WWOX: variants seen among roughly 807,000 people sequenced by gnomAD.
WWOX encodes WW domain containing oxidoreductase.
In WWOX, 69 loss-of-function variants were observed where a neutral mutation model predicts 46.2. The ratio of observed to expected loss-of-function variants is 1.49; its 90% CI spans 1.23 to 1.82. The LOEUF is 1.82. Ranked by LOEUF, WWOX falls within the 40% of genes most tolerant of loss-of-function variation. The pLI, the probability that WWOX is intolerant of heterozygous loss-of-function variation, is 0.00. For missense variants in WWOX, 919 were observed against 542.6 expected (o/e 1.69, Z -6.89); for synonymous variants, 359 against 202.6 (o/e 1.77, Z -6.56).
At chr16:78,632,231 T>C (rs986598291) in intron 8 of WWOX, among the ~76,000 whole-genome samples, 1 of 152,128 alleles carries the variant, frequency 6.6e-6, no homozygotes, top group African/African-American at 2.4e-5. Context: ...ATCTGTACAA[T>C]GGGGTTAATA....
At chr16:78,908,594 G>A (rs1158016812) in intron 8 of WWOX, among the ~76,000 whole-genome samples, 3 of 151,918 alleles carry the variant, frequency 2.0e-5, no homozygotes, top group Non-Finnish European at 4.4e-5. Flanking sequence ...GGAGACCAGA[G>A]TTTTATTATT....
intron 8 of WWOX, among the ~76,000 whole-genome samples, chr16:78,853,687 G>GTA (rs1441063029): frequency 6.6e-6 from 1 of 152,070 alleles, no homozygotes; most frequent in Non-Finnish European, 1.5e-5. Flanking sequence ...AAGTAATGTA[G>GTA]TATGCACTCT....
intron 8 of WWOX, among the ~76,000 whole-genome samples, chr16:79,005,703 C>T (rs11644322): frequency 0.23 from 34,282 of 152,074 alleles, 4,331 homozygotes; most frequent in East Asian, 0.45. Flanking sequence ...GGATTTAGAG[C>T]CCACCCTAAT....
chr16:78,482,001 C>G (rs957945068), intron 8 of WWOX, among the ~76,000 whole-genome samples: 1 of 152,188 alleles, frequency 6.6e-6, no homozygotes. Flanking sequence ...ATAGGTTTTG[C>G]TTTCATACAC....
intron 8 of WWOX, among the ~76,000 whole-genome samples, chr16:78,517,782 C>T (rs2043268021): frequency 6.7e-6 from 1 of 149,048 alleles, no homozygotes. Context: ...AGGTTTATTT[C>T]CTTCTGGATT....
At chr16:78,572,579 G>A (rs1387488701) in intron 8 of WWOX, among the ~76,000 whole-genome samples, 1 of 136,136 alleles carries the variant, frequency 7.3e-6, no homozygotes, top group Non-Finnish European at 1.5e-5. Flanking sequence ...CTCCAGCCTG[G>A]GCTACAGAGT....
At chr16:79,008,058 A>C (rs1429236605) in intron 8 of WWOX, among the ~76,000 whole-genome samples, 1 of 152,192 alleles carries the variant, frequency 6.6e-6, no homozygotes, top group Non-Finnish European at 1.5e-5. Flanking sequence ...TGAGGCTGAA[A>C]TCAAAGCGTC....
At chr16:78,335,989 G>T (rs978013921) in intron 5 of WWOX, among the ~76,000 whole-genome samples, 2 of 152,134 alleles carry the variant, frequency 1.3e-5, no homozygotes, top group Non-Finnish European at 2.9e-5. Context: ...CTATTTGGAA[G>T]GCTGGGGCAG....
intron 7 of WWOX, among the ~76,000 whole-genome samples, chr16:78,432,010 A>G (rs913314149): frequency 1.3e-5 from 2 of 152,150 alleles, no homozygotes; most frequent in African/African-American, 4.8e-5. Context: ...GCCACCAGAC[A>G]TGACCTGTGT....
intron 8 of WWOX, among the ~76,000 whole-genome samples, chr16:78,903,875 C>G (rs776335151): frequency 1.3e-5 from 2 of 152,154 alleles, no homozygotes; most frequent in Non-Finnish European, 2.9e-5. Flanking sequence ...TGGCAGGGGA[C>G]TGTTGTTATT....
At chr16:78,301,524 T>C (rs2080041221) in intron 5 of WWOX, among the ~76,000 whole-genome samples, 1 of 152,210 alleles carries the variant, frequency 6.6e-6, no homozygotes, top group Admixed American at 6.5e-5. Flanking sequence ...GCTGGTTTCC[T>C]TTGGTGAAAC....
In WWOX at chr16:78,475,829, A is replaced by T. The variant is rs2084336943; in HGVS notation, c.1056+43077A>T. On this transcript the variant is annotated intron_variant, in intron 8 of 8. Transcript: ENST00000566780. ...AGGCTGGTCTTGAACTCCTGAATTC[A>T]AATGATCTGCCCACCTCAACCTCCC... Among the ~76,000 whole-genome samples, 4 of 152,178 alleles carry T rather than the reference A, an allele frequency of 2.6e-5. No homozygotes were observed. In the South Asian group the frequency reaches 8.3e-4, roughly 32 times the overall value.
At chr16:78,428,128 A>G (rs4597339) in intron 7 of WWOX, among the ~76,000 whole-genome samples, 67,707 of 152,100 alleles carry the variant, frequency 0.45, 18,204 homozygotes, top group African/African-American at 0.76. Flanking sequence ...AAGATTTGTG[A>G]GGGGCGGGGG....
chr16:78,398,289 A>T (rs553797555), intron 6 of WWOX, among the ~76,000 whole-genome samples: 1 of 152,240 alleles, frequency 6.6e-6, no homozygotes, highest in East Asian at 1.9e-4. Flanking sequence ...ACCTGTGGCC[A>T]TGTCTTCCCC....
At chr16:78,732,109 C>T (rs374368050) in intron 8 of WWOX, among the ~76,000 whole-genome samples, 23 of 152,092 alleles carry the variant, frequency 1.5e-4, no homozygotes, top group African/African-American at 5.6e-4. Flanking sequence ...AATGATCCTC[C>T]TGCCGTGGTC....
intron 4 of WWOX, among the ~76,000 whole-genome samples, chr16:78,125,289 G>A (rs1025650675): frequency 3.3e-5 from 5 of 152,118 alleles, no homozygotes; most frequent in African/African-American, 9.7e-5. Context: ...GGTCTTGGGC[G>A]GCGGGTGCCT....
At chr16:78,606,577 A>G (rs1246834431) in intron 8 of WWOX, among the ~76,000 whole-genome samples, 1 of 152,140 alleles carries the variant, frequency 6.6e-6, no homozygotes, top group African/African-American at 2.4e-5. Context: ...AAAAGACAAG[A>G]AATATGCCAC....
intron 8 of WWOX, among the ~76,000 whole-genome samples, chr16:78,747,153 T>C (rs2049367225): frequency 1.3e-5 from 2 of 151,888 alleles, no homozygotes; most frequent in Admixed American, 6.6e-5. Context: ...GTTGTTTCTT[T>C]TGCCTGGGAA....
chr16:78,970,783 C>G (rs1272380656), intron 8 of WWOX, among the ~76,000 whole-genome samples: 2 of 152,100 alleles, frequency 1.3e-5, no homozygotes, highest in East Asian at 1.9e-4. Flanking sequence ...TGGGGGGCAA[C>G]TAAACCCAGC....
Sources: allele counts gnomAD v4.1 joint callset (sites outside exome capture counted in the v4.1 genomes callset), GRCh38; gene constraint gnomAD v4.1.1; transcripts MANE v1.5; gene names NCBI Gene and HGNC (gene_info 2026-07-23, HGNC 2026-07-21).